TENM4: variants seen among roughly 807,000 people sequenced by gnomAD.
TENM4 encodes the protein teneurin transmembrane protein 4.
Under a neutral mutation model 243.3 loss-of-function variants are expected in TENM4, and 82 were observed. The ratio of observed to expected loss-of-function variants is 0.34; its 90% confidence interval spans 0.28 to 0.40. The LOEUF is 0.40. Among genes scored for constraint, TENM4 ranks in the 10% least tolerant of loss-of-function variants. TENM4 has a pLI of 1.00. For missense variants in TENM4, 3,138 were observed against 3,673.3 expected (o/e 0.85, Z 3.77); for synonymous variants, 1,412 against 1,456.3 (o/e 0.97, Z 0.69).
chr11:79,218,567 C>A lies in TENM4; in HGVS notation c.-264-2658G>T, dbSNP rs147428520. Among the ~76,000 whole-genome samples, 756 of 152,242 alleles carry A rather than the reference C, an allele frequency of 5.0e-3. 1 individual carries two copies. The highest frequency in any genetic ancestry group is 0.01 in the Middle Eastern group (3 of 294). On this transcript the variant is annotated intron_variant, in intron 2 of 33. Coordinates refer to ENST00000278550, the MANE Select transcript of TENM4 (RefSeq NM_001098816.3). ...CTTCAGGCCAAAGCTTGTGACTTGG[C>A]TTCTCACCTGTGCCTTATGGTCCCT... is the stretch of plus-strand genomic sequence containing the variant.
At chr11:78,970,899 C>A (rs1473077976) in intron 6 of TENM4, among the ~76,000 whole-genome samples, 1 of 152,074 alleles carries the variant, frequency 6.6e-6, no homozygotes, top group African/African-American at 2.4e-5. Context: ...TAAACAAAAA[C>A]CACATTAACA....
intron 1 of TENM4, among the ~76,000 whole-genome samples, chr11:79,364,484 A>G (rs983011338): frequency 6.6e-6 from 1 of 152,178 alleles, no homozygotes. Flanking sequence ...ATGTAGCTCT[A>G]CCTAAAATCT....
intron 3 of TENM4, among the ~76,000 whole-genome samples, chr11:79,164,526 A>ATATATATAG (rs1862862089): frequency 8.1e-6 from 1 of 122,974 alleles, no homozygotes; most frequent in African/African-American, 3.4e-5. Context: ...TACTATATAT[A>ATATATATAG]TACTATATAG....
intron 3 of TENM4, among the ~76,000 whole-genome samples, chr11:79,160,172 T>C (rs535400906): frequency 1.3e-5 from 2 of 152,292 alleles, no homozygotes; most frequent in Admixed American, 1.3e-4. Flanking sequence ...GCTGGGGCCA[T>C]TAGTCCTCCC....
At position 78,670,054 on chromosome 11, in the gene TENM4, C is replaced by T. The variant is rs1426434103; in HGVS notation, c.6291G>A (p.Val2097=). Residue 2097 remains valine (V), a synonymous_variant, in exon 32 of 34, where the codon GTG becomes GTA. Coordinates refer to ENST00000278550, the MANE Select transcript of TENM4 (RefSeq NM_001098816.3). ...NSFRVTSMQA[V]INETPLPIDL... is the part of the protein sequence containing the mutation. The stretch of plus-strand genomic sequence containing the variant: ...CAATGGGCAGTGGGGTCTCGTTGAT[C>T]ACAGCCTGCATGCTGGTCACCCGGA... 1 of 1,613,922 alleles carries T rather than the reference C, an allele frequency of 6.2e-7. No homozygotes were observed. The highest frequency in any genetic ancestry group is 1.1e-5 in the South Asian group (1 of 91,070).
At chr11:78,672,947 C>A (rs571818078) in intron 30 of TENM4, among the ~76,000 whole-genome samples, 1 of 152,122 alleles carries the variant, frequency 6.6e-6, no homozygotes, top group South Asian at 2.1e-4. Flanking sequence ...ACAATCAGGG[C>A]TTCTTGATTG....
intron 29 of TENM4, among the ~76,000 whole-genome samples, chr11:78,685,152 G>T (rs1381157966): frequency 6.6e-6 from 1 of 152,192 alleles, no homozygotes; most frequent in Non-Finnish European, 1.5e-5. Flanking sequence ...GAAAAAGCCT[G>T]TGTCAATTTA....
rs1299997917 is a variant in TENM4 at position 79,139,673 on chromosome 11, T to A, written c.-66+9037A>T. 1.6e-4 allele frequency among the ~76,000 whole-genome samples: 7 copies of A among 44,950 alleles called. 1 individual carries two copies. The highest frequency in any genetic ancestry group is 1.2e-3 in the Admixed American group (4 of 3,470). 29.5% of individuals were successfully genotyped at this position (44,950 alleles called of 152,430 possible). ...TATATAAGTATATAAAATATATATA[T>A]TTTATATAAGTATATAAAATATATA... On this transcript the variant is annotated intron_variant, in intron 4 of 33. Transcript: ENST00000278550.
intron 4 of TENM4, among the ~76,000 whole-genome samples, chr11:79,135,238 G>A (rs112003895): frequency 0.05 from 7,621 of 152,020 alleles, 643 homozygotes; most frequent in African/African-American, 0.17. Context: ...ACAAACATAT[G>A]AAAAAATGCT....
At chr11:79,264,679 A>G (rs549890026) in intron 2 of TENM4, among the ~76,000 whole-genome samples, 43 of 152,336 alleles carry the variant, frequency 2.8e-4, no homozygotes, top group African/African-American at 9.6e-4. Flanking sequence ...CAGCAGTTAC[A>G]CGTTGGAAAT....
intron 1 of TENM4, among the ~76,000 whole-genome samples, chr11:79,367,064 T>C (rs1465244721): frequency 6.6e-6 from 1 of 152,222 alleles, no homozygotes; most frequent in East Asian, 1.9e-4. Context: ...ACTTTGGAAT[T>C]ATTTGAACCA....
At chr11:79,020,815 A>G (rs1310575476) in intron 6 of TENM4, among the ~76,000 whole-genome samples, 2 of 152,092 alleles carry the variant, frequency 1.3e-5, no homozygotes, top group Non-Finnish European at 2.9e-5. Flanking sequence ...AATTCAACCA[A>G]CATCGCTGAG....
At chr11:79,404,733 C>G (rs1052335090) in intron 1 of TENM4, among the ~76,000 whole-genome samples, 7 of 152,280 alleles carry the variant, frequency 4.6e-5, no homozygotes, top group African/African-American at 1.7e-4. Flanking sequence ...ATGATTGGAA[C>G]ATACCCACCT....
intron 1 of TENM4, among the ~76,000 whole-genome samples, chr11:79,382,144 G>A (rs999440278): frequency 7.9e-5 from 12 of 152,186 alleles, no homozygotes; most frequent in Non-Finnish European, 1.6e-4. Context: ...GTTGCCCAAG[G>A]ACACACAGCT....
intron 1 of TENM4, among the ~76,000 whole-genome samples, chr11:79,374,493 C>CTTA (rs949666382): frequency 6.6e-6 from 1 of 151,870 alleles, no homozygotes; most frequent in Non-Finnish European, 1.5e-5. Flanking sequence ...AGCCCATTTC[C>CTTA]TTAGTGTCAG....
rs772143588 is a variant in TENM4 at position 78,676,187 on chromosome 11, G to A, written c.5461C>T (p.Arg1821Trp). 7.7e-6 allele frequency: 12 copies of A among 1,550,534 alleles called. No individual in the cohort carries two copies. The highest frequency in any genetic ancestry group is 2.4e-5 in the South Asian group (2 of 84,888). ...CGCCCAAAGACAGTGACCTGGCCCC[G>A]AGCCTGCTCTTTGCGCTGGCGCCAC... ...VEWRQRKEQA[R>W]GQVTVFGRRL... Residue 1821 changes from arginine (R) to tryptophan (W), a missense_variant, in exon 30 of 34, where the codon CGG (arginine) becomes TGG (tryptophan). By Grantham distance (101) the Arg-to-Trp change is moderately radical. Transcript: ENST00000278550.
At chr11:79,110,653 A>G (rs1408910515) in intron 4 of TENM4, among the ~76,000 whole-genome samples, 1 of 152,198 alleles carries the variant, frequency 6.6e-6, no homozygotes, top group Non-Finnish European at 1.5e-5. Flanking sequence ...CCAGGTCCAT[A>G]GAAACGTGCA....
At chr11:79,233,143 C>A (rs1262722105) in intron 2 of TENM4, among the ~76,000 whole-genome samples, 3 of 152,348 alleles carry the variant, frequency 2.0e-5, no homozygotes, top group East Asian at 3.9e-4. Context: ...GAGTCAGACG[C>A]CATGCCTTGG....
intron 6 of TENM4, among the ~76,000 whole-genome samples, chr11:78,919,551 C>T (rs12419933): frequency 0.024 from 3,719 of 152,042 alleles, 78 homozygotes; most frequent in Admixed American, 0.043. Context: ...TGTTTTTTTC[C>T]GTTTGGTTAC....
Sources: allele counts gnomAD v4.1 joint callset (sites outside exome capture counted in the v4.1 genomes callset), GRCh38; gene constraint gnomAD v4.1.1; transcripts MANE v1.5; gene names NCBI Gene and HGNC (gene_info 2026-07-23, HGNC 2026-07-21).